The following TMEM245 variants were observed in gnomAD, a reference collection of about 807,000 sequenced individuals.
TMEM245 encodes the protein protein CG-2.
Under a neutral mutation model 101.2 loss-of-function variants are expected in TMEM245, and 69 were observed. The ratio of observed to expected loss-of-function variants is 0.68; its 90% CI spans 0.56 to 0.83. The LOEUF is 0.83. Among genes scored for constraint, TMEM245 ranks in the 40% least tolerant of loss-of-function variants. The probability of loss-of-function intolerance (pLI) is 0.00; values close to 1 mark genes in which losing one functional copy is unlikely to be tolerated. For synonymous variants in TMEM245, 537 were observed against 449.8 expected (o/e 1.19, Z -2.45); for missense variants, 1,075 against 1,092.8 (o/e 0.98, Z 0.23).
At position 109,106,675 on chromosome 9, in the gene TMEM245, C is replaced by CA. The variant is rs1830433124; in HGVS notation, c.698-67dup. On this transcript the variant is annotated intron_variant, in intron 2 of 17. Coordinates refer to ENST00000374586, the MANE Select transcript of TMEM245 (RefSeq NM_032012.4). ...ACCTAGTACTTGTTTTTACAAAACTCAGTTTTGTAGTTTGACAGAACAATC... is the reference window on the plus strand; with the variant it reads ...ACCTAGTACTTGTTTTTACAAAACTCAAGTTTTGTAGTTTGACAGAACAATC... The CA allele has an allele frequency of 2.5e-6, 3 of 1,209,096 alleles. No individual in the cohort carries two copies. The Admixed American group carries it at 6.5e-5, about 26-fold the overall frequency. The allele number at this position is 1,209,096 out of a possible 1,614,324, so 74.9% of individuals were successfully genotyped here.
At chr9:109,060,502 G>A (rs1308895193) in intron 10 of TMEM245, 50 bp from the exon 11 acceptor site, 3 of 1,312,180 alleles carry the variant, frequency 2.3e-6, no homozygotes, top group Admixed American at 3.7e-5. Context: ...GGCAACAACA[G>A]AGTAAAATTA....
intron 10 of TMEM245, 28 bp downstream of exon 10, chr9:109,064,445 GAGAA>G (rs1032391361): frequency 5.7e-6 from 9 of 1,591,104 alleles, no homozygotes; most frequent in Non-Finnish European, 7.7e-6. Context: ...ACCCTGAAAA[GAGAA>G]AGCCACAAAG....
At chr9:109,072,030 A>C (rs1037266837) in intron 9 of TMEM245, among the ~76,000 whole-genome samples, 1 of 152,220 alleles carries the variant, frequency 6.6e-6, no homozygotes, top group African/African-American at 2.4e-5. Flanking sequence ...TATGTCAATG[A>C]GTAGACATAG....
chr9:109,039,323 C>A (rs1426503451), intron 14 of TMEM245: 1 of 152,008 alleles, frequency 6.6e-6, no homozygotes, highest in East Asian at 1.9e-4. Context: ...ATCAAAAATA[C>A]CAAAAGGAAG....
intron 1 of TMEM245, among the ~76,000 whole-genome samples, chr9:109,110,679 G>GA (rs1195838262): frequency 1.3e-5 from 2 of 151,834 alleles, no homozygotes; most frequent in African/African-American, 2.4e-5. Context: ...CACAATAACA[G>GA]AAAAAACTGA....
chr9:109,103,548 C>CA (rs913390633), intron 3 of TMEM245, among the ~76,000 whole-genome samples: 33 of 149,872 alleles, frequency 2.2e-4, no homozygotes, highest in Non-Finnish European at 3.1e-4. Context: ...ACTATTCCGC[C>CA]AAAAAAAAAG....
Position 109,083,901 on chromosome 9 carries a change from CAAAAAA to C in TMEM245, c.1344+2090_1344+2095del, listed in dbSNP as rs751739620. Among the ~76,000 whole-genome samples, 34 of 34,474 alleles carry C rather than the reference CAAAAAA, an allele frequency of 9.9e-4. No homozygotes were observed. In the East Asian group the frequency reaches 0.014, roughly 14 times the overall value. 22.6% of individuals were successfully genotyped at this position (34,474 alleles called of 152,430 possible). On this transcript the variant is annotated intron_variant, in intron 7 of 17. Coordinates refer to ENST00000374586, the MANE Select transcript of TMEM245 (RefSeq NM_032012.4). ...CAAAACCCCATCTCTACTAAAAATA[CAAAAAA>C]AAAAAAAAAAAAAAAAAAAAAACAC...
Position 109,119,397 on chromosome 9 carries a change from C to A in TMEM245, c.517G>T (p.Val173Leu). ...YCLGSYLGVQ[V>L]LLVHAATLIC... ...AGCGTGGCAGCGTGCACCAGCAGCA[C>A]CTGCACGCCCAAGTAGCTGCCGAGG... Residue 173 changes from valine to leucine, a missense_variant, in exon 1 of 18, where the codon GTG becomes TTG. Physicochemically the swap from Val to Leu is conservative, Grantham distance 32 (BLOSUM62 1). Around this residue, in one of 2 missense-constraint regions of TMEM245, gnomAD observed 808 missense variants for 741.5 expected, o/e 1.09. Coordinates refer to ENST00000374586, the MANE Select transcript of TMEM245 (RefSeq NM_032012.4). The A allele has an allele frequency of 6.5e-7, 1 of 1,528,470 alleles. No individual in the cohort carries two copies. The highest frequency in any genetic ancestry group is 8.8e-7 in the Non-Finnish European group (1 of 1,142,068). The allele number at this position is 1,528,470 out of a possible 1,614,324, so 94.7% of individuals were successfully genotyped here. A position where few individuals can be genotyped will look rare whatever the true frequency, so the allele number is the denominator to read the frequency against.
chr9:109,115,490 TA>T (rs1830696513), intron 1 of TMEM245, among the ~76,000 whole-genome samples: 1 of 150,920 alleles, frequency 6.6e-6, no homozygotes, highest in Non-Finnish European at 1.5e-5. Context: ...AGAATGCTGA[TA>T]TTTTTCTGAT....
intron 9 of TMEM245, among the ~76,000 whole-genome samples, chr9:109,068,460 G>A (rs892319005): frequency 1.3e-5 from 2 of 151,544 alleles, no homozygotes; most frequent in South Asian, 2.1e-4. Context: ...TGGCCAACAT[G>A]GTAAAACCCT....
At chr9:109,024,423 G>GC (rs1218659813) in intron 17 of TMEM245, among the ~76,000 whole-genome samples, 1 of 152,152 alleles carries the variant, frequency 6.6e-6, no homozygotes, top group Non-Finnish European at 1.5e-5. Flanking sequence ...CTTACTATGC[G>GC]CCAAGCACCA....
At chr9:109,027,008 C>CTCTTT (rs1230542139) in intron 17 of TMEM245, among the ~76,000 whole-genome samples, 3 of 152,154 alleles carry the variant, frequency 2.0e-5, no homozygotes, top group African/African-American at 7.2e-5. Context: ...CAAAATAAAC[C>CTCTTT]TCTTTTCTTT....
At chr9:109,105,905 AG>A (rs1830401757) in intron 3 of TMEM245, among the ~76,000 whole-genome samples, 1 of 151,998 alleles carries the variant, frequency 6.6e-6, no homozygotes, top group African/African-American at 2.4e-5. Flanking sequence ...CCCGAGTAGC[AG>A]GGACTACAGG....
intron 5 of TMEM245, among the ~76,000 whole-genome samples, chr9:109,089,854 A>C (rs189527829): frequency 1.3e-5 from 2 of 152,350 alleles, no homozygotes; most frequent in African/African-American, 2.4e-5. Flanking sequence ...CATGTAATTT[A>C]ATTTTTCTGC....
At chr9:109,023,170 T>C (rs2132272505) in intron 17 of TMEM245, among the ~76,000 whole-genome samples, 1 of 152,320 alleles carries the variant, frequency 6.6e-6, no homozygotes, top group African/African-American at 2.4e-5. Context: ...TAAGAGTCTT[T>C]CATCTCAATG....
chr9:109,050,455 A>G, intron 13 of TMEM245, 27 bp from the exon 14 acceptor site: 1 of 1,612,354 alleles, frequency 6.2e-7, no homozygotes, highest in Non-Finnish European at 8.5e-7. Context: ...AACATCTCCT[A>G]AAAAAATCGT....
rs2132254643 is a variant in TMEM245 at position 109,018,478 on chromosome 9, G to C, written c.*1982C>G. On this transcript the variant is annotated 3_prime_UTR_variant, in exon 18 of 18. Coordinates refer to ENST00000374586, the MANE Select transcript of TMEM245 (RefSeq NM_032012.4). Reference sequence around the variant, plus strand: ...ACTTAGTGACCAAATCTAATACTCAGTGGAATAGCTGATTATAATCGCTAA... The same window carrying C: ...ACTTAGTGACCAAATCTAATACTCACTGGAATAGCTGATTATAATCGCTAA... The C allele has an allele frequency of 6.6e-6, 1 of 152,260 alleles. No individual in the cohort carries two copies. Among genetic ancestry groups the C allele is most frequent in the Admixed American group, 6.5e-5 (1 of 15,294 alleles). The allele number at this position is 152,260 out of a possible 1,614,324, so 9.4% of individuals were successfully genotyped here.
rs1300089014 is a variant in TMEM245, at chr9:109,016,630, CCAAA to C, written c.*3826_*3829del. Reference sequence around the variant, plus strand: ...AATTCTCTTAAACTATCAAAAATAACCAAACAGTGGCTGCAGACAGCATGTGTGT... The same window carrying C: ...AATTCTCTTAAACTATCAAAAATAACCAGTGGCTGCAGACAGCATGTGTGT... On this transcript the variant is annotated 3_prime_UTR_variant, in exon 18 of 18. Coordinates refer to ENST00000374586, the MANE Select transcript of TMEM245 (RefSeq NM_032012.4). The C allele has an allele frequency of 2.0e-5, 3 of 146,728 alleles. No homozygotes were observed. Among genetic ancestry groups the C allele is most frequent in the East Asian group, 4.0e-4 (2 of 4,986 alleles). 9.1% of individuals were successfully genotyped at this position (146,728 alleles called of 1,614,324 possible). A position where few individuals can be genotyped will look rare whatever the true frequency, so the allele number is the denominator to read the frequency against.
intron 3 of TMEM245, among the ~76,000 whole-genome samples, chr9:109,104,927 G>A (rs974437565): frequency 6.6e-6 from 1 of 152,122 alleles, no homozygotes; most frequent in African/African-American, 2.4e-5. Context: ...AAACTTAAGG[G>A]TAAGTATTTA....
Sources: allele counts gnomAD v4.1 joint callset (sites outside exome capture counted in the v4.1 genomes callset), GRCh38; gene constraint gnomAD v4.1.1; regional missense constraint gnomAD v4.1.1; transcripts MANE v1.5; gene names NCBI Gene and HGNC (gene_info 2026-07-23, HGNC 2026-07-21).